The following SULT2B1 variants were observed in gnomAD, a reference collection of about 807,000 sequenced individuals.
SULT2B1 encodes the protein sulfotransferase 2B1.
In SULT2B1, 16 loss-of-function variants were observed where a neutral mutation model predicts 33.2. That is an observed-to-expected ratio of 0.48 (90% CI 0.33 to 0.73). The LOEUF (loss-of-function observed/expected upper bound fraction) is 0.73, where lower values mean the gene tolerates loss of function less well. SULT2B1 is among the 30% of genes least tolerant of loss of function. The probability of loss-of-function intolerance (pLI) is 0.02; values close to 1 mark genes in which losing one functional copy is unlikely to be tolerated. For synonymous variants in SULT2B1, 186 were observed against 200.5 expected, an observed-to-expected ratio of 0.93 and a Z score of 0.61; for missense variants, 500 against 506.0, an observed-to-expected ratio of 0.99 and a Z score of 0.11.
chr19:48,576,755 C>T (rs2147612582), intron 2 of SULT2B1, among the ~76,000 whole-genome samples: 1 of 151,582 alleles, frequency 6.6e-6, no homozygotes, highest in East Asian at 1.9e-4. Flanking sequence ...TCCGCCCAAC[C>T]TCAGCCTCCT....
At chr19:48,576,975 A>G (rs965825476) in intron 2 of SULT2B1, among the ~76,000 whole-genome samples, 3 of 150,974 alleles carry the variant, frequency 2.0e-5, no homozygotes, top group Non-Finnish European at 4.4e-5. Context: ...ATTACACACA[A>G]TTTGAGTGTT....
chr19:48,574,703 CTG>C (rs978149422), intron 1 of SULT2B1, among the ~76,000 whole-genome samples: 11 of 152,154 alleles, frequency 7.2e-5, no homozygotes, highest in Non-Finnish European at 1.2e-4. Context: ...GATGAGGAAA[CTG>C]AGGATCAAAG....
At chr19:48,586,443 T>C (rs1037339576) in intron 2 of SULT2B1, among the ~76,000 whole-genome samples, 2 of 152,162 alleles carry the variant, frequency 1.3e-5, no homozygotes, top group African/African-American at 4.8e-5. Flanking sequence ...CCCTGGAGTC[T>C]CTGTATCCAG....
chr19:48,589,545 G>T (rs947847127), intron 3 of SULT2B1, among the ~76,000 whole-genome samples: 1 of 152,152 alleles, frequency 6.6e-6, no homozygotes, highest in Admixed American at 6.5e-5. Flanking sequence ...CAGAGAGGGG[G>T]GGCTGCAATC....
intron 3 of SULT2B1, among the ~76,000 whole-genome samples, chr19:48,588,777 G>A (rs1359785364): frequency 6.6e-6 from 1 of 151,980 alleles, no homozygotes; most frequent in African/African-American, 2.4e-5. Flanking sequence ...GATGGTGGGA[G>A]CCACAGAGGT....
At chr19:48,575,864 C>T (rs1157533320) in intron 1 of SULT2B1, 77 bp from the exon 2 acceptor site, 2 of 1,550,032 alleles carry the variant, frequency 1.3e-6, no homozygotes, top group Middle Eastern at 1.7e-4. Flanking sequence ...TTGCCAGGGT[C>T]CGAGTGTCGC....
chr19:48,591,424 T>C (rs2147625805), intron 3 of SULT2B1, among the ~76,000 whole-genome samples, 185 bp from the exon 4 acceptor site: 1 of 151,958 alleles, frequency 6.6e-6, no homozygotes, highest in Non-Finnish European at 1.5e-5. Flanking sequence ...TGAGCTGAGA[T>C]GGCGCCACTG....
chr19:48,572,341 C>T (rs969710309), intron 1 of SULT2B1, among the ~76,000 whole-genome samples: 1 of 152,004 alleles, frequency 6.6e-6, no homozygotes, highest in Non-Finnish European at 1.5e-5. Context: ...AGTGAAACCT[C>T]GTCTCTACTA....
At chr19:48,581,890 A>AT (rs1387045137) in intron 2 of SULT2B1, among the ~76,000 whole-genome samples, 6,005 of 137,660 alleles carry the variant, frequency 0.044, 198 homozygotes, top group African/African-American at 0.093. Flanking sequence ...TATTATTATT[A>AT]TATTATTATT....
At chr19:48,581,184 GTGCCACCA>G (rs1973481727) in intron 2 of SULT2B1, among the ~76,000 whole-genome samples, 1 of 146,662 alleles carries the variant, frequency 6.8e-6, no homozygotes, top group Non-Finnish European at 1.5e-5. Flanking sequence ...TTACAGGCAT[GTGCCACCA>G]TGCCTGGTTT....
chr19:48,589,169 G>A (rs1010849881), intron 3 of SULT2B1, among the ~76,000 whole-genome samples: 4 of 152,208 alleles, frequency 2.6e-5, no homozygotes, highest in Non-Finnish European at 5.9e-5. Flanking sequence ...GCTGGACTAG[G>A]GTGATGGTCA....
intron 2 of SULT2B1, among the ~76,000 whole-genome samples, chr19:48,579,008 G>A (rs8109054): frequency 0.19 from 28,377 of 151,790 alleles, 2,846 homozygotes; most frequent in East Asian, 0.41. Context: ...ACCAATCTCC[G>A]TTCTGTTTCT....
intron 1 of SULT2B1, among the ~76,000 whole-genome samples, chr19:48,571,186 AATTTATTT>A (rs745593519): frequency 6.9e-6 from 1 of 144,584 alleles, no homozygotes; most frequent in African/African-American, 2.6e-5. Context: ...ATGCCTGGCT[AATTTATTT>A]ATTTATTTAT....
chr19:48,557,075 C>A (rs947220368), intron 1 of SULT2B1, among the ~76,000 whole-genome samples: 2 of 151,966 alleles, frequency 1.3e-5, no homozygotes, highest in Non-Finnish European at 2.9e-5. Flanking sequence ...CACAGCAAGA[C>A]CCCGTCTCTA....
At chr19:48,555,549 CCTCTCTCTCT>C (rs142655043) in intron 1 of SULT2B1, among the ~76,000 whole-genome samples, 27,230 of 124,082 alleles carry the variant, frequency 0.22, 3,177 homozygotes, top group East Asian at 0.41. Context: ...CCAGAGACAT[CCTCTCTCTCT>C]CTCTCTCTCT....
intron 1 of SULT2B1, among the ~76,000 whole-genome samples, chr19:48,565,025 A>T (rs1474787208): frequency 6.6e-6 from 1 of 151,918 alleles, no homozygotes; most frequent in Non-Finnish European, 1.5e-5. Context: ...GCCTGGACTG[A>T]TGATACACCT....
intron 2 of SULT2B1, among the ~76,000 whole-genome samples, chr19:48,579,767 C>T (rs1426667413): frequency 6.6e-6 from 1 of 151,512 alleles, no homozygotes; most frequent in Non-Finnish European, 1.5e-5. Flanking sequence ...CCACCACGCC[C>T]AGCTAATTTT....
At chr19:48,555,724 G>A (rs902937676) in intron 1 of SULT2B1, among the ~76,000 whole-genome samples, 1 of 151,338 alleles carries the variant, frequency 6.6e-6, no homozygotes, top group Non-Finnish European at 1.5e-5. Context: ...ACAGGCATGC[G>A]CCACCACACC....
intron 3 of SULT2B1, among the ~76,000 whole-genome samples, chr19:48,589,795 C>CA (rs1469266073): frequency 1.1e-4 from 16 of 152,202 alleles, no homozygotes; most frequent in East Asian, 1.9e-4. Context: ...CCCATCTCTA[C>CA]AAAAAAGTTT....
Sources: gnomAD v4.1 joint callset for allele counts (sites outside exome capture counted in the v4.1 genomes callset) on GRCh38, gnomAD v4.1.1 for gene constraint, MANE v1.5 for transcripts, NCBI Gene and HGNC (gene_info 2026-07-23, HGNC 2026-07-21) for gene names.